SPAG1: variants seen among roughly 807,000 people sequenced by gnomAD.
SPAG1 encodes the protein sperm associated antigen 1.
In SPAG1, 69 loss-of-function variants were observed where a neutral mutation model predicts 100.5. That is an observed-to-expected ratio of 0.69 (90% confidence interval 0.57 to 0.84). SPAG1 has a LOEUF of 0.84. SPAG1 is among the 40% of genes least tolerant of loss of function. The pLI, the probability that SPAG1 is intolerant of heterozygous loss-of-function variation, is 0.00. For missense variants in SPAG1, 955 were observed against 1,133.1 expected, an observed-to-expected ratio of 0.84 and a Z score of 2.26; for synonymous variants, 336 against 411.6, an observed-to-expected ratio of 0.82 and a Z score of 2.22.
intron 7 of SPAG1, among the ~76,000 whole-genome samples, chr8:100,186,221 C>T (rs1215626423): frequency 1.3e-5 from 2 of 151,784 alleles, no homozygotes; most frequent in African/African-American, 4.8e-5. Flanking sequence ...TGTGAGTCAC[C>T]ATACCTGGAT....
intron 10 of SPAG1, among the ~76,000 whole-genome samples, chr8:100,206,512 G>A (rs1817524552): frequency 1.3e-5 from 2 of 152,118 alleles, no homozygotes; most frequent in Non-Finnish European, 2.9e-5. Flanking sequence ...CAAACACACT[G>A]GACTTATTGG....
At chr8:100,192,203 G>A (rs757356400) in intron 9 of SPAG1, among the ~76,000 whole-genome samples, 2 of 152,144 alleles carry the variant, frequency 1.3e-5, no homozygotes, top group Admixed American at 1.3e-4. Context: ...AGTGGCTCAC[G>A]TCTGTAATCC....
chr8:100,199,560 C>T (rs1353653380), intron 10 of SPAG1, among the ~76,000 whole-genome samples: 2 of 152,182 alleles, frequency 1.3e-5, no homozygotes, highest in African/African-American at 4.8e-5. Context: ...ATTCTCCTGC[C>T]TCAGCCTCCC....
At chr8:100,198,429 A>G (rs1342081937) in intron 10 of SPAG1, among the ~76,000 whole-genome samples, 1 of 152,234 alleles carries the variant, frequency 6.6e-6, no homozygotes, top group East Asian at 1.9e-4. Context: ...CTACAAAACA[A>G]TAAGAAAAAG....
intron 8 of SPAG1, among the ~76,000 whole-genome samples, chr8:100,190,673 T>TC (rs1340138102): frequency 6.8e-6 from 1 of 146,024 alleles, no homozygotes; most frequent in Non-Finnish European, 1.5e-5. Flanking sequence ...CTTTTTTTTT[T>TC]TTTTTTTTGG....
At chr8:100,168,804 C>G (rs561119736) in intron 3 of SPAG1, among the ~76,000 whole-genome samples, 3 of 151,422 alleles carry the variant, frequency 2.0e-5, no homozygotes, top group African/African-American at 7.3e-5. Flanking sequence ...TCTCCTGCCT[C>G]AGCCTTCTGA....
rs148464216 is a variant in SPAG1 at position 100,192,638 on chromosome 8, G to C, written c.939+1142G>C. The stretch of plus-strand genomic sequence containing the variant: ...CCTATCCCACTGTCTCTGAGTGGCA[G>C]CTAATGTTCCTAGAATATCAGCTGC... On this transcript the variant is annotated intron_variant, in intron 9 of 18. Transcript: ENST00000388798. Among the ~76,000 whole-genome samples, 328 of 152,296 alleles carry C rather than the reference G, an allele frequency of 2.2e-3. 2 individuals carry two copies. Among genetic ancestry groups the C allele is most frequent in the African/African-American group, 7.2e-3 (301 of 41,550 alleles).
At position 100,194,028 on chromosome 8, in the gene SPAG1, C is replaced by T. The variant is rs1298953020; in HGVS notation, c.940-84C>T. The T allele has an allele frequency of 1.3e-5, 14 of 1,106,326 alleles. No individual in the cohort carries two copies. In the South Asian group the frequency reaches 1.8e-4, roughly 14 times the overall value. The allele number at this position is 1,106,326 out of a possible 1,614,324, so 68.5% of individuals were successfully genotyped here. ...TGTCTTAGTTGTATTCATTTTTCAA[C>T]ATCTTTATGTTTTTAACCTGAAAGA... On this transcript the variant is annotated intron_variant, in intron 9 of 18. Transcript: ENST00000388798.
intron 1 of SPAG1, 26 bp downstream of exon 1, chr8:100,158,642 T>C (rs368259804): frequency 6.6e-6 from 1 of 152,036 alleles, no homozygotes; most frequent in Non-Finnish European, 1.5e-5. Context: ...CTACGAAATA[T>C]GGGAGGTGGA....
At chr8:100,213,700 A>G in intron 11 of SPAG1, 119 bp from the exon 12 acceptor site, 2 of 652,070 alleles carry the variant, frequency 3.1e-6, no homozygotes, top group East Asian at 2.8e-5. Flanking sequence ...GGAGTTCTGC[A>G]TGATCAGTCT....
In SPAG1 at chr8:100,165,863, C is replaced by A. The variant is rs776106955; in HGVS notation, c.190C>A (p.His64Asn). ...YPELTEFCEKHLQALAPESRA... is the reference protein window; with the variant it reads ...YPELTEFCEKNLQALAPESRA... ...TGAACTTACAGAATTTTGTGAAAAG[C>A]ATCTTCAAGCCTTGGCCCCTGAAAG... Residue 64 changes from histidine (H) to asparagine (N), a missense_variant, in exon 3 of 19, where the codon CAT becomes AAT. Transcript: ENST00000388798. 6.2e-7 allele frequency: 1 copy of A among 1,613,894 alleles called. No individual in the cohort carries two copies. Among genetic ancestry groups the A allele is most frequent in the East Asian group, 2.2e-5 (1 of 44,884 alleles).
In SPAG1 at chr8:100,162,259, T is replaced by A. The variant is rs1021820662; in HGVS notation, c.-2-20T>A. 6.4e-7 allele frequency: 1 copy of A among 1,557,296 alleles called. No individual in the cohort carries two copies. The highest frequency in any genetic ancestry group is 8.7e-7 in the Non-Finnish European group (1 of 1,143,618). On this transcript the variant is annotated intron_variant, in intron 1 of 18. Transcript: ENST00000388798. Reference sequence around the variant, plus strand: ...ATTATTTATACATTAGATTAATAACTTTTAAATATTGTATTTCAGCTATGA... The same window carrying A: ...ATTATTTATACATTAGATTAATAACATTTAAATATTGTATTTCAGCTATGA...
intron 3 of SPAG1, among the ~76,000 whole-genome samples, chr8:100,176,452 G>A (rs1380258125): frequency 1.3e-5 from 2 of 149,970 alleles, no homozygotes; most frequent in African/African-American, 2.5e-5. Flanking sequence ...TACAACCTCC[G>A]CCTCCTGGGT....
chr8:100,206,542 A>C (rs1452295316), intron 10 of SPAG1, among the ~76,000 whole-genome samples: 4 of 152,226 alleles, frequency 2.6e-5, no homozygotes, highest in Non-Finnish European at 5.9e-5. Flanking sequence ...TGCATGCAAG[A>C]GGATGGGAAA....
At chr8:100,223,932 A>C (rs930875779) in intron 13 of SPAG1, among the ~76,000 whole-genome samples, 1 of 152,112 alleles carries the variant, frequency 6.6e-6, no homozygotes, top group African/African-American at 2.4e-5. Flanking sequence ...TATGTGCATT[A>C]CATTTGTCTA....
chr8:100,171,614 C>A (rs1482381657), intron 3 of SPAG1, among the ~76,000 whole-genome samples: 1 of 152,298 alleles, frequency 6.6e-6, no homozygotes. Context: ...CAGTCTTGGC[C>A]TCCCTAACGT....
At chr8:100,162,984 TAAAA>T (rs984084063) in intron 2 of SPAG1, among the ~76,000 whole-genome samples, 1 of 151,276 alleles carries the variant, frequency 6.6e-6, no homozygotes, top group Non-Finnish European at 1.5e-5. Context: ...ATAAAAAAAA[TAAAA>T]AAAGCTATTA....
intron 16 of SPAG1, among the ~76,000 whole-genome samples, chr8:100,234,804 G>A (rs1818929223): frequency 6.6e-6 from 1 of 152,156 alleles, no homozygotes; most frequent in Admixed American, 6.5e-5. Flanking sequence ...CAGATCCTGA[G>A]GGGCTTGGTA....
intron 13 of SPAG1, among the ~76,000 whole-genome samples, chr8:100,224,134 A>C (rs1432330954): frequency 6.6e-6 from 1 of 152,216 alleles, no homozygotes; most frequent in Non-Finnish European, 1.5e-5. Context: ...TAAAATAATG[A>C]AAAAGTGATC....
Sources: allele counts gnomAD v4.1 joint callset (sites outside exome capture counted in the v4.1 genomes callset), GRCh38; gene constraint gnomAD v4.1.1; transcripts MANE v1.5; gene names NCBI Gene and HGNC (gene_info 2026-07-23, HGNC 2026-07-21).